The following KDM5C variants were observed in gnomAD, a reference collection of about 807,000 sequenced individuals.
The protein encoded by KDM5C is lysine demethylase 5C.
Under a neutral mutation model 110.6 loss-of-function variants are expected in KDM5C, and 16 were observed. That is an observed-to-expected ratio of 0.14 (90% confidence interval 0.10 to 0.22). The LOEUF is 0.22. KDM5C is among the 10% of genes least tolerant of loss of function. The pLI is 1.00. For missense variants in KDM5C, 681 were observed against 1,300.9 expected, an observed-to-expected ratio of 0.52 and a Z score of 7.33; for synonymous variants, 511 against 520.4, an observed-to-expected ratio of 0.98 and a Z score of 0.24.
exon 26 of KDM5C, among the ~76,000 whole-genome samples, chrX:53,176,391 C>A (rs1440617406): frequency 8.9e-6 from 1 of 111,865 alleles, no homozygotes; most frequent in East Asian, 2.8e-4. Flanking sequence ...AGGGAAGGAA[C>A]GTAAAACAAG....
chrX:53,190,669 CCTCT>C (rs782684660), downstream of KDM5C, among the ~76,000 whole-genome samples: 4 of 111,482 alleles, frequency 3.6e-5, no homozygotes, highest in African/African-American at 6.5e-5. Flanking sequence ...TCCACGGACT[CCTCT>C]CTCTCTCCTT....
At chrX:53,194,048 A>T in intron 23 of KDM5C, 91 bp downstream of exon 23, 4 of 1,117,579 alleles carry the variant, frequency 3.6e-6, no homozygotes, top group Non-Finnish European at 3.6e-6. Context: ...GAAAACTGAA[A>T]ATTGGAGAAC....
At chrX:53,203,621 C>T (rs971709255) in intron 12 of KDM5C, among the ~76,000 whole-genome samples, 4 of 111,185 alleles carry the variant, frequency 3.6e-5, no homozygotes, top group African/African-American at 9.8e-5. Flanking sequence ...ACTTTGTTTG[C>T]GGTATGCTAT....
intron 22 of KDM5C, 29 bp from the exon 23 acceptor site, chrX:53,194,767 G>A: frequency 8.3e-7 from 1 of 1,208,795 alleles, no homozygotes; most frequent in Non-Finnish European, 1.1e-6. Flanking sequence ...GAGCAAAGTG[G>A]GTCAGCAGCC....
Position 53,183,742 on chromosome X carries a change from T to A in KDM5C, c.4309-7120A>T, listed in dbSNP as rs184662246. 4.5e-3 allele frequency among the ~76,000 whole-genome samples: 492 copies of A among 109,498 alleles called. 5 individuals are homozygous for A. The highest frequency in any genetic ancestry group is 0.016 in the African/African-American group (467 of 30,075). On this transcript the variant is annotated intron_variant, in intron 25 of 25. Transcript: ENST00000685641. ...GATTACCATGCCCGGATAATTTTTT[T>A]AAATTATTTTTAGTAGATACGGGGG...
At chrX:53,201,487 G>A (rs1668017021) in intron 14 of KDM5C, 63 bp downstream of exon 14, 1 of 1,067,437 alleles carries the variant, frequency 9.4e-7, no homozygotes, top group Non-Finnish European at 1.3e-6. Flanking sequence ...TCTTCTTGGT[G>A]CTGCCTCTGC....
downstream of KDM5C, among the ~76,000 whole-genome samples, chrX:53,187,707 T>C (rs1934263817): frequency 9.0e-6 from 1 of 110,889 alleles, no homozygotes; most frequent in South Asian, 3.9e-4. Flanking sequence ...TTGAGAACAG[T>C]CTGGGCAATA....
In KDM5C at chrX:53,192,859, C is replaced by CCCCCCCCG; in HGVS notation, c.*107_*108insCGGGGGGG. Reference sequence around the variant, plus strand: ...AGGGGTGGGCGGGTAGCAGGGATGGCCACCCCCCTACCCGCCCACCCCCCA... The same window carrying CCCCCCCCG: ...AGGGGTGGGCGGGTAGCAGGGATGGCCCCCCCCGCACCCCCCTACCCGCCCACCCCCCA... On this transcript the variant is annotated 3_prime_UTR_variant, in exon 26 of 26. Coordinates refer to ENST00000375401, the MANE Select transcript of KDM5C (RefSeq NM_004187.5). The CCCCCCCCG allele has an allele frequency of 2.9e-6, 2 of 691,047 alleles. No homozygotes were observed. Among genetic ancestry groups the CCCCCCCCG allele is most frequent in the Non-Finnish European group, 1.9e-6 (1 of 519,834 alleles). 57.0% of individuals were successfully genotyped at this position (691,047 alleles called of 1,213,427 possible).
Position 53,194,220 on chromosome X carries a change from A to G in KDM5C, c.3957T>C (p.Pro1319=). The change falls in exon 23 of 26, where the codon CCT becomes CCC. Residue 1319 remains proline (P), a synonymous_variant. Coordinates refer to ENST00000375401, the MANE Select transcript of KDM5C (RefSeq NM_004187.5). Reference sequence around the variant, plus strand: ...GGTAGTTAGGAGGCTCCTCAGGTCTAGGTTCAGCCTGTAGCCGTTGGCGGA... The same window carrying G: ...GGTAGTTAGGAGGCTCCTCAGGTCTGGGTTCAGCCTGTAGCCGTTGGCGGA... ...AELRQRLQAE[P]RPEEPPNYPA... The G allele has an allele frequency of 8.3e-7, 1 of 1,210,480 alleles. No individual in the cohort carries two copies. The highest frequency in any genetic ancestry group is 1.1e-6 in the Non-Finnish European group (1 of 895,059).
intron 3 of KDM5C, 69 bp downstream of exon 3, chrX:53,218,207 G>A: frequency 8.4e-7 from 1 of 1,187,638 alleles, no homozygotes; most frequent in Non-Finnish European, 1.1e-6. Context: ...TCCAAACTAA[G>A]GGGGCCCCCA....
intron 12 of KDM5C, among the ~76,000 whole-genome samples, chrX:53,206,593 G>C (rs1050709130): frequency 9.0e-6 from 1 of 111,012 alleles, no homozygotes; most frequent in Non-Finnish European, 1.9e-5. Flanking sequence ...GCTGGGCACG[G>C]TGTCTCACGC....
Position 53,208,805 on chromosome X carries a change from C to CTTTTT in KDM5C, c.1746+1604_1746+1608dup, listed in dbSNP as rs782216325. ...CAGGCATGAGCCACCACACCCGGCT[C>CTTTTT]TTTTTTTTTTTTTTTTTTTTTTTTT... On this transcript the variant is annotated intron_variant, in intron 12 of 25. Coordinates refer to ENST00000375401, the MANE Select transcript of KDM5C (RefSeq NM_004187.5). 7.7e-4 allele frequency among the ~76,000 whole-genome samples: 17 copies of CTTTTT among 22,173 alleles called. 2 individuals are homozygous for CTTTTT. The highest frequency in any genetic ancestry group is 1.6e-3 in the African/African-American group (8 of 4,955). The allele number at this position is 22,173 out of a possible 115,157, so 19.3% of individuals were successfully genotyped here.
At chrX:53,209,762 C>A (rs1456238961) in intron 12 of KDM5C, among the ~76,000 whole-genome samples, 5 of 112,126 alleles carry the variant, frequency 4.5e-5, no homozygotes, top group Non-Finnish European at 3.8e-5. Flanking sequence ...AATATAAAGT[C>A]TCTCACAGGT....
Position 53,180,970 on chromosome X carries a change from C to T in KDM5C, c.4309-4348G>A, listed in dbSNP as rs184137965. Among the ~76,000 whole-genome samples, 869 of 106,726 alleles carry T rather than the reference C, an allele frequency of 8.1e-3. 16 individuals carry two copies. The highest frequency in any genetic ancestry group is 0.06 in the East Asian group (205 of 3,390). The allele number at this position is 106,726 out of a possible 115,157, so 92.7% of individuals were successfully genotyped here. A position where few individuals can be genotyped will look rare whatever the true frequency, so the allele number is the denominator to read the frequency against. ...GTCTCGATCTCCTGACCTCGTGATC[C>T]GCCCGCCTCGGAAATTTTTGTATTT... On this transcript the variant is annotated intron_variant, in intron 25 of 25. Transcript: ENST00000685641.
chrX:53,219,101 G>C (rs1270869225), intron 2 of KDM5C, among the ~76,000 whole-genome samples: 2 of 112,570 alleles, frequency 1.8e-5, no homozygotes, highest in East Asian at 5.6e-4. Flanking sequence ...TTGAGCTTTG[G>C]CTCTCCCTCT....
chrX:53,218,031 T>G, intron 3 of KDM5C, 65 bp from the exon 4 acceptor site: 1 of 1,125,412 alleles, frequency 8.9e-7, no homozygotes, highest in Non-Finnish European at 1.2e-6. Flanking sequence ...GGAGTAGGCC[T>G]GTAGAAAGGG....
chrX:53,182,086 T>C (rs1462346166), intron 25 of KDM5C, among the ~76,000 whole-genome samples: 1 of 100,905 alleles, frequency 9.9e-6, no homozygotes, highest in Admixed American at 1.1e-4. Flanking sequence ...CCCTTTTTTG[T>C]TTTTTTTTTT....
intron 12 of KDM5C, among the ~76,000 whole-genome samples, chrX:53,207,968 CA>C (rs781945536): frequency 0.012 from 356 of 30,587 alleles, no homozygotes; most frequent in African/African-American, 0.041. Flanking sequence ...GACTCTGTCT[CA>C]AAAAAAAAAA....
intron 1 of KDM5C, chrX:53,221,628 C>T: frequency 3.3e-6 from 2 of 611,361 alleles, no homozygotes; most frequent in Non-Finnish European, 4.8e-6. Context: ...GTTTAAAGGG[C>T]CTGAGATAGA....
Sources: allele counts gnomAD v4.1 joint callset (sites outside exome capture counted in the v4.1 genomes callset), GRCh38; gene constraint gnomAD v4.1.1; transcripts MANE v1.5; gene names NCBI Gene and HGNC (gene_info 2026-07-23, HGNC 2026-07-21).